Variants in JAKMIP2 observed in about 807,000 individuals in gnomAD.
JAKMIP2 encodes janus kinase and microtubule-interacting protein 2.
Under a neutral mutation model 115.0 loss-of-function variants are expected in JAKMIP2, and 25 were observed. That is an observed-to-expected ratio of 0.22 (90% CI 0.16 to 0.30). The LOEUF is 0.30. Ranked by LOEUF, JAKMIP2 falls within the 10% of genes least tolerant of loss-of-function variation. JAKMIP2 has a pLI of 1.00. For missense variants in JAKMIP2, 642 were observed against 957.6 expected (o/e 0.67, Z 4.35); for synonymous variants, 334 against 343.6 (o/e 0.97, Z 0.31).
chr5:147,587,101 T>G lies in JAKMIP2; in HGVS notation c.*4606A>C. ...TTAGATCTCAAGATACTACATTATA[T>G]AGAAATGACAAGGCAGTAGAACACA... On this transcript the variant is annotated 3_prime_UTR_variant, in exon 22 of 22. Transcript: ENST00000616793. The G allele has an allele frequency of 6.6e-6, 1 of 152,148 alleles. No homozygotes were observed. The highest frequency in any genetic ancestry group is 1.5e-5 in the Non-Finnish European group (1 of 68,032). The allele number at this position is 152,148 out of a possible 1,614,324, so 9.4% of individuals were successfully genotyped here. A position where few individuals can be genotyped will look rare whatever the true frequency, so the allele number is the denominator to read the frequency against.
At chr5:147,632,432 A>G (rs1391958838) in intron 13 of JAKMIP2, among the ~76,000 whole-genome samples, 1 of 152,190 alleles carries the variant, frequency 6.6e-6, no homozygotes, top group Non-Finnish European at 1.5e-5. Context: ...AAAAGATAGT[A>G]ATGTTGAAAA....
chr5:147,686,463 T>G (rs1667293930), intron 1 of JAKMIP2, among the ~76,000 whole-genome samples: 1 of 152,168 alleles, frequency 6.6e-6, no homozygotes, highest in Admixed American at 6.5e-5. Context: ...ATGTTCACTT[T>G]TTTCCCTTCA....
intron 4 of JAKMIP2, 121 bp downstream of exon 4, chr5:147,650,217 T>G: frequency 1.5e-6 from 1 of 672,202 alleles, no homozygotes; most frequent in South Asian, 1.8e-5. Context: ...GCTGATTTTA[T>G]AGTAGAAGGT....
chr5:147,730,605 G>A (rs868061770), intron 1 of JAKMIP2, among the ~76,000 whole-genome samples: 8 of 151,992 alleles, frequency 5.3e-5, no homozygotes, highest in African/African-American at 1.5e-4. Flanking sequence ...AGAGGCACAC[G>A]CCACCATGTC....
intron 7 of JAKMIP2, among the ~76,000 whole-genome samples, chr5:147,642,345 A>C (rs971958273): frequency 6.6e-6 from 1 of 152,196 alleles, no homozygotes; most frequent in Non-Finnish European, 1.5e-5. Flanking sequence ...AAGAATGCCT[A>C]GAAATATTGA....
At chr5:147,741,350 A>T (rs748643344) in intron 1 of JAKMIP2, among the ~76,000 whole-genome samples, 4 of 152,182 alleles carry the variant, frequency 2.6e-5, no homozygotes, top group Non-Finnish European at 5.9e-5. Context: ...ATATATCAAA[A>T]TGCTCTTTCT....
chr5:147,764,825 G>T (rs1324439975), intron 1 of JAKMIP2, among the ~76,000 whole-genome samples: 1 of 149,916 alleles, frequency 6.7e-6, no homozygotes, highest in Admixed American at 6.7e-5. Flanking sequence ...GGCAGAGGTT[G>T]CAGTGAGCCA....
At chr5:147,595,443 A>G in intron 21 of JAKMIP2, 1 of 456,908 alleles carries the variant, frequency 2.2e-6, no homozygotes, top group South Asian at 1.5e-5. Context: ...CCTCCAGGGG[A>G]TGCAACAACA....
At chr5:147,758,065 T>C (rs1196784162) in intron 1 of JAKMIP2, among the ~76,000 whole-genome samples, 1 of 152,160 alleles carries the variant, frequency 6.6e-6, no homozygotes, top group African/African-American at 2.4e-5. Context: ...TTATTCATCA[T>C]GGATTTTATT....
At chr5:147,683,452 A>G (rs1016249711) in intron 1 of JAKMIP2, among the ~76,000 whole-genome samples, 2 of 152,170 alleles carry the variant, frequency 1.3e-5, no homozygotes, top group Non-Finnish European at 2.9e-5. Flanking sequence ...AGATCATGCC[A>G]CTGCACTCCA....
At chr5:147,729,608 C>T (rs1010698871) in intron 1 of JAKMIP2, among the ~76,000 whole-genome samples, 2 of 151,832 alleles carry the variant, frequency 1.3e-5, no homozygotes, top group Admixed American at 6.6e-5. Flanking sequence ...CCCGTCTCTA[C>T]TAGAAATACA....
Position 147,782,655 on chromosome 5 carries a change from G to A in JAKMIP2, c.-348C>T, listed in dbSNP as rs563426708. The A allele has an allele frequency of 4.4e-6, 3 of 674,842 alleles. No homozygotes were observed. The South Asian group carries it at 4.6e-5, about 10-fold the overall frequency. 41.8% of individuals were successfully genotyped at this position (674,842 alleles called of 1,614,324 possible). ...CCACTAGAGTATCAGCAATAGAGGC[G>A]GCGGCGGCGGCAGCAGCAGCAGCAG... On this transcript the variant is annotated 5_prime_UTR_variant, in exon 1 of 22. Coordinates refer to ENST00000616793, the MANE Select transcript of JAKMIP2 (RefSeq NM_001270941.2).
chr5:147,648,236 C>A, intron 5 of JAKMIP2, 140 bp downstream of exon 5: 1 of 533,060 alleles, frequency 1.9e-6, no homozygotes, highest in Non-Finnish European at 3.3e-6. Context: ...TTGAGTGTGC[C>A]ACTTTGTGAA....
At chr5:147,637,885 T>C (rs1454652655) in intron 10 of JAKMIP2, among the ~76,000 whole-genome samples, 1 of 152,204 alleles carries the variant, frequency 6.6e-6, no homozygotes, top group Middle Eastern at 3.2e-3. Flanking sequence ...CTTAGTAATT[T>C]GTTTCCTGCC....
In JAKMIP2 at chr5:147,623,689, A is replaced by C; in HGVS notation, c.1996T>G (p.Trp666Gly). The change falls in exon 17 of 22, where the codon TGG becomes GGG. Residue 666 changes from tryptophan to glycine, a missense_variant and splice_region_variant. Physicochemically the swap from Trp to Gly is radical, Grantham distance 184. Transcript: ENST00000616793. The part of the protein sequence containing the change: ...ASTVLSLAEK[W>G]IQQIEGAEAA... ...TCAGCTCCTTCAATCTGCTGGATCC[A>C]CTAAGGGGTTAACAAGACAAAAGTG... The C allele has an allele frequency of 6.2e-7, 1 of 1,608,656 alleles. No homozygotes were observed. Among genetic ancestry groups the C allele is most frequent in the Non-Finnish European group, 8.5e-7 (1 of 1,175,078 alleles).
intron 1 of JAKMIP2, among the ~76,000 whole-genome samples, chr5:147,761,091 C>A (rs1250016567): frequency 6.6e-6 from 1 of 152,058 alleles, no homozygotes; most frequent in Non-Finnish European, 1.5e-5. Context: ...CTCTTAGTGT[C>A]TGCTTTTATA....
At chr5:147,670,935 G>A (rs923518907) in intron 2 of JAKMIP2, among the ~76,000 whole-genome samples, 9 of 152,206 alleles carry the variant, frequency 5.9e-5, no homozygotes, top group African/African-American at 2.2e-4. Flanking sequence ...AAAAGCAAAT[G>A]TATGAATTAC....
Position 147,632,682 on chromosome 5 carries a change from C to A in JAKMIP2, c.1774G>T (p.Glu592Ter). 1 of 1,574,482 alleles carries A rather than the reference C, an allele frequency of 6.4e-7. No homozygotes were observed. The highest frequency in any genetic ancestry group is 8.7e-7 in the Non-Finnish European group (1 of 1,145,590). The part of the protein sequence containing the change: ...ELLEFRNLEL[E>*]ERERRSPPFN... ...TATTATCATCATCATTTCCTTACTT[C>A]TAGCTCTAGGTTTCGAAACTCCAGC... Residue 592 changes from glutamate to a stop codon, truncating the protein, a stop_gained and splice_region_variant, in exon 13 of 22, where the codon GAA becomes TAA. Coordinates refer to ENST00000616793, the MANE Select transcript of JAKMIP2 (RefSeq NM_001270941.2). LOFTEE classifies it high-confidence loss of function.
At chr5:147,643,661 G>A (rs1053975449) in intron 7 of JAKMIP2, among the ~76,000 whole-genome samples, 6 of 152,162 alleles carry the variant, frequency 3.9e-5, no homozygotes, top group African/African-American at 1.4e-4. Context: ...GCTAGACACT[G>A]AATTGAGACC....
Sources: gnomAD v4.1 joint callset for allele counts (sites outside exome capture counted in the v4.1 genomes callset) on GRCh38, gnomAD v4.1.1 for gene constraint, MANE v1.5 for transcripts, NCBI Gene and HGNC (gene_info 2026-07-23, HGNC 2026-07-21) for gene names.